The following UMAD1 variants were observed in gnomAD, a reference collection of about 807,000 sequenced individuals.
The protein encoded by UMAD1 is UBAP1-MVB12-associated (UMA) domain containing 1.
UMAD1 carries 8 observed loss-of-function variants against 6.1 expected under a neutral mutation model. That is an observed-to-expected ratio of 1.30 (90% confidence interval 0.76 to 2.35). The LOEUF is 2.35. Ranked by LOEUF, UMAD1 falls within the 30% of genes most tolerant of loss-of-function variation. The pLI, the probability that UMAD1 is intolerant of heterozygous loss-of-function variation, is 0.00. For synonymous variants in UMAD1, 56 were observed against 31.4 expected, an observed-to-expected ratio of 1.78 and a Z score of -2.61; for missense variants, 130 against 78.4, an observed-to-expected ratio of 1.66 and a Z score of -2.49.
At chr7:7,816,504 T>G (rs1273803129) in intron 3 of UMAD1, among the ~76,000 whole-genome samples, 1 of 152,232 alleles carries the variant, frequency 6.6e-6, no homozygotes, top group Non-Finnish European at 1.5e-5. Flanking sequence ...TCACCGCCAC[T>G]CAGAGGTGGG....
intron 2 of UMAD1, among the ~76,000 whole-genome samples, chr7:7,775,903 A>T (rs1782196066): frequency 6.6e-6 from 1 of 152,198 alleles, no homozygotes; most frequent in African/African-American, 2.4e-5. Flanking sequence ...TTGCCTGGGA[A>T]TGAGTGTATA....
At chr7:7,813,923 A>G (rs1783073477) in intron 3 of UMAD1, among the ~76,000 whole-genome samples, 1 of 152,150 alleles carries the variant, frequency 6.6e-6, no homozygotes, top group Admixed American at 6.5e-5. Flanking sequence ...GGCATTGTCA[A>G]CTACATTAGA....
chr7:7,680,128 C>T (rs1419481916), intron 2 of UMAD1, among the ~76,000 whole-genome samples: 1 of 152,062 alleles, frequency 6.6e-6, no homozygotes, highest in African/African-American at 2.4e-5. Flanking sequence ...GATTACTGTC[C>T]TGTAGCATTT....
intron 3 of UMAD1, among the ~76,000 whole-genome samples, chr7:7,803,876 G>A (rs908045749): frequency 6.6e-6 from 1 of 152,152 alleles, no homozygotes; most frequent in African/African-American, 2.4e-5. Flanking sequence ...GGGACACAAA[G>A]CATTCAGACC....
intron 2 of UMAD1, among the ~76,000 whole-genome samples, chr7:7,732,347 G>T (rs920321515): frequency 2.6e-5 from 4 of 151,982 alleles, no homozygotes; most frequent in African/African-American, 9.7e-5. Flanking sequence ...AGGTGAAAAG[G>T]CAAACATTTT....
intron 2 of UMAD1, among the ~76,000 whole-genome samples, chr7:7,737,561 C>T: frequency 6.6e-6 from 1 of 151,796 alleles, no homozygotes; most frequent in East Asian, 1.9e-4. Context: ...AGAACTTAAC[C>T]ACTGGGAAAA....
chr7:7,766,290 A>G (rs7792772), intron 2 of UMAD1, among the ~76,000 whole-genome samples: 60,558 of 152,068 alleles, frequency 0.4, 14,366 homozygotes, highest in African/African-American at 0.68. Context: ...CATGCTATTT[A>G]TTACTTCTTT....
At chr7:7,677,523 T>A (rs1779772704) in intron 2 of UMAD1, among the ~76,000 whole-genome samples, 1 of 152,154 alleles carries the variant, frequency 6.6e-6, no homozygotes. Context: ...TTTTTGTGCC[T>A]GCTTTATTTC....
At chr7:7,780,129 C>G (rs931363153) in intron 2 of UMAD1, among the ~76,000 whole-genome samples, 1 of 152,234 alleles carries the variant, frequency 6.6e-6, no homozygotes, top group Admixed American at 6.5e-5. Flanking sequence ...TCTGTTGACT[C>G]TTTGCTTTCA....
intron 3 of UMAD1, among the ~76,000 whole-genome samples, chr7:7,837,509 A>G (rs1235755017): frequency 6.6e-6 from 1 of 152,166 alleles, no homozygotes; most frequent in Non-Finnish European, 1.5e-5. Context: ...TGCTTTATGT[A>G]GGAAGTTGGT....
chr7:7,732,901 A>G (rs536649752), intron 2 of UMAD1, among the ~76,000 whole-genome samples: 40 of 152,298 alleles, frequency 2.6e-4, no homozygotes, highest in African/African-American at 8.4e-4. Flanking sequence ...CTATGAAACA[A>G]TTCCTACTAC....
At chr7:7,688,514 C>G (rs1437464513) in intron 2 of UMAD1, among the ~76,000 whole-genome samples, 1 of 152,096 alleles carries the variant, frequency 6.6e-6, no homozygotes, top group Non-Finnish European at 1.5e-5. Flanking sequence ...GCAGAGTGCC[C>G]AGCTTGTTTC....
intron 2 of UMAD1, among the ~76,000 whole-genome samples, chr7:7,770,924 C>A (rs75174594): frequency 0.032 from 4,815 of 151,936 alleles, 261 homozygotes; most frequent in African/African-American, 0.11. Context: ...TTAGAAATGG[C>A]TTTGGTAATT....
chr7:7,750,424 A>G (rs1251647316), intron 2 of UMAD1, among the ~76,000 whole-genome samples: 1 of 152,166 alleles, frequency 6.6e-6, no homozygotes, highest in Non-Finnish European at 1.5e-5. Flanking sequence ...TTTAAATTTG[A>G]ACTAATTGTC....
At chr7:7,658,431 G>T (rs184341868) in intron 1 of UMAD1, among the ~76,000 whole-genome samples, 1 of 152,288 alleles carries the variant, frequency 6.6e-6, no homozygotes, top group African/African-American at 2.4e-5. Context: ...CATTCAGTAT[G>T]ATATTGGCTG....
intron 2 of UMAD1, among the ~76,000 whole-genome samples, chr7:7,760,765 G>T (rs1003480425): frequency 2.0e-5 from 3 of 152,116 alleles, no homozygotes; most frequent in Non-Finnish European, 4.4e-5. Flanking sequence ...TGAAAGAATA[G>T]ACTAAAAGAG....
At position 7,673,315 on chromosome 7, in the gene UMAD1, GCAGCAGC is replaced by G; in HGVS notation, c.-56_-50del. 3.0e-6 allele frequency: 1 copy of G among 336,188 alleles called. No individual in the cohort carries two copies. The highest frequency in any genetic ancestry group is 5.5e-5 in the South Asian group (1 of 18,320). 20.8% of individuals were successfully genotyped at this position (336,188 alleles called of 1,614,324 possible). ...TGTAATGTTTCTATTTCAGGTAGCA[GCAGCAGC>G]AGCAGCAGCAGCAGCAGCAGCAGCA... On this transcript the variant is annotated 5_prime_UTR_variant, in exon 2 of 4. Coordinates refer to ENST00000682710, the MANE Select transcript of UMAD1 (RefSeq NM_001302348.2).
At chr7:7,818,040 T>C (rs886797944) in intron 3 of UMAD1, among the ~76,000 whole-genome samples, 3 of 152,178 alleles carry the variant, frequency 2.0e-5, no homozygotes, top group Non-Finnish European at 2.9e-5. Context: ...GTTTGTTACA[T>C]AGGTAAACAT....
chr7:7,781,937 ATC>A (rs1478240430), intron 2 of UMAD1, among the ~76,000 whole-genome samples: 1 of 152,114 alleles, frequency 6.6e-6, no homozygotes, highest in East Asian at 1.9e-4. Context: ...ACTCATTTTT[ATC>A]AGTTCTCAAC....
Sources: allele counts gnomAD v4.1 joint callset (sites outside exome capture counted in the v4.1 genomes callset), GRCh38; gene constraint gnomAD v4.1.1; transcripts MANE v1.5; gene names NCBI Gene and HGNC (gene_info 2026-07-23, HGNC 2026-07-21).